Variants in DNAH9 observed in about 807,000 individuals in gnomAD.
DNAH9 encodes the protein dynein axonemal heavy chain 9.
In DNAH9, 345 loss-of-function variants were observed where a neutral mutation model predicts 471.6. The observed-to-expected ratio is 0.73, with a 90% CI of 0.67 to 0.80. The LOEUF (loss-of-function observed/expected upper bound fraction) is 0.80. DNAH9 is among the 30% of genes least tolerant of loss of function. DNAH9 has a pLI of 0.00. For synonymous variants in DNAH9, 2,093 were observed against 2,123.6 expected, an observed-to-expected ratio of 0.99 and a Z score of 0.40; for missense variants, 5,407 against 5,609.2, an observed-to-expected ratio of 0.96 and a Z score of 1.15.
chr17:11,724,119 TGTA>T (rs1420166992), intron 27 of DNAH9, among the ~76,000 whole-genome samples: 3 of 152,198 alleles, frequency 2.0e-5, no homozygotes, highest in Non-Finnish European at 4.4e-5. Flanking sequence ...CATTATACAT[TGTA>T]GTATAATGAT....
At chr17:11,887,010 G>A (rs750105291) in intron 57 of DNAH9, 45 bp downstream of exon 57, 4 of 1,576,000 alleles carry the variant, frequency 2.5e-6, no homozygotes, top group Admixed American at 3.6e-5. Context: ...ATAAAGCAGT[G>A]TAATATTGCC....
intron 36 of DNAH9, among the ~76,000 whole-genome samples, chr17:11,765,722 C>G (rs1333459819): frequency 6.6e-6 from 1 of 152,164 alleles, no homozygotes; most frequent in Non-Finnish European, 1.5e-5. Flanking sequence ...TGGACTACTC[C>G]TTTGACAGCT....
At chr17:11,918,507 A>G (rs185738609) in intron 61 of DNAH9, among the ~76,000 whole-genome samples, 2,971 of 151,412 alleles carry the variant, frequency 0.02, 38 homozygotes, top group South Asian at 0.068. Context: ...CTGGGATTAT[A>G]GGCATGAGTC....
At chr17:11,693,354 G>A (rs1242029997) in intron 20 of DNAH9, among the ~76,000 whole-genome samples, 3 of 144,762 alleles carry the variant, frequency 2.1e-5, no homozygotes, top group Admixed American at 7.2e-5. Flanking sequence ...AGGTTCAAGC[G>A]ATTGTCATGC....
chr17:11,859,857 A>G (rs924858562), intron 50 of DNAH9, among the ~76,000 whole-genome samples: 12 of 152,292 alleles, frequency 7.9e-5, no homozygotes, highest in Admixed American at 2.0e-4. Context: ...CCATGATCCA[A>G]TCACCTCCCA....
chr17:11,797,496 A>T, intron 42 of DNAH9, 101 bp from the exon 43 acceptor site: 1 of 961,414 alleles, frequency 1.0e-6, no homozygotes, highest in Non-Finnish European at 1.5e-6. Context: ...ACTGATGCCT[A>T]ATTTCCAGGG....
At chr17:11,618,698 G>A (rs780400191) in intron 5 of DNAH9, among the ~76,000 whole-genome samples, 1 of 151,948 alleles carries the variant, frequency 6.6e-6, no homozygotes, top group Non-Finnish European at 1.5e-5. Flanking sequence ...AGCTTAATAA[G>A]TAACTAAGAA....
At chr17:11,647,643 C>G (rs977580662) in intron 12 of DNAH9, among the ~76,000 whole-genome samples, 2 of 152,148 alleles carry the variant, frequency 1.3e-5, no homozygotes, top group Non-Finnish European at 2.9e-5. Context: ...TGTCTGAAGG[C>G]CATTGACTAG....
At chr17:11,779,798 G>T (rs564898648) in intron 38 of DNAH9, among the ~76,000 whole-genome samples, 13 of 152,214 alleles carry the variant, frequency 8.5e-5, no homozygotes, top group Admixed American at 3.3e-4. Context: ...GTGATTAATT[G>T]GTTGATAGTG....
chr17:11,955,027 G>C (rs1427876354), intron 67 of DNAH9, among the ~76,000 whole-genome samples: 1 of 152,136 alleles, frequency 6.6e-6, no homozygotes. Flanking sequence ...TGAAAAATGA[G>C]AGAAATAGAA....
intron 45 of DNAH9, among the ~76,000 whole-genome samples, chr17:11,818,262 G>A (rs1374417986): frequency 1.3e-5 from 2 of 151,966 alleles, no homozygotes; most frequent in Non-Finnish European, 2.9e-5. Context: ...AACCCCGTCT[G>A]TACTAAAAAT....
Position 11,969,263 on chromosome 17 carries a change from C to A in DNAH9, c.13234-37C>A. 4 of 1,587,878 alleles carry A rather than the reference C, an allele frequency of 2.5e-6. No homozygotes were observed. The South Asian group carries it at 3.4e-5, about 13-fold the overall frequency. Reference sequence around the variant, plus strand: ...AAGGCTGGTTGGCTGGGCTCTGGGTCTGATCTAAGGTGCCTCTTCTCATGT... The same window carrying A: ...AAGGCTGGTTGGCTGGGCTCTGGGTATGATCTAAGGTGCCTCTTCTCATGT... On this transcript the variant is annotated intron_variant, in intron 68 of 68. Transcript: ENST00000262442.
At chr17:11,604,851 G>T (rs2072465692) in intron 1 of DNAH9, among the ~76,000 whole-genome samples, 1 of 152,150 alleles carries the variant, frequency 6.6e-6, no homozygotes, top group East Asian at 1.9e-4. Context: ...CAACTTGGTA[G>T]GTGGCCTCCC....
rs376364177 is a variant in DNAH9, at chr17:11,877,548, C to A, written c.10478+2364C>A. Reference sequence around the variant, plus strand: ...AAGCTGGGTCATCCTCACTTAGAAACCTAAGATTTATCCACTCCAGCAAAC... The same window carrying A: ...AAGCTGGGTCATCCTCACTTAGAAAACTAAGATTTATCCACTCCAGCAAAC... On this transcript the variant is annotated intron_variant, in intron 53 of 68. Coordinates refer to ENST00000262442, the MANE Select transcript of DNAH9 (RefSeq NM_001372.4). 1.1e-4 allele frequency among the ~76,000 whole-genome samples: 16 copies of A among 144,444 alleles called. No individual in the cohort carries two copies. The South Asian group carries it at 2.2e-3, about 20-fold the overall frequency. The allele number at this position is 144,444 out of a possible 152,430, so 94.8% of individuals were successfully genotyped here.
intron 26 of DNAH9, among the ~76,000 whole-genome samples, chr17:11,712,585 T>C (rs536972774): frequency 1.3e-5 from 2 of 152,298 alleles, no homozygotes; most frequent in Admixed American, 6.5e-5. Context: ...CAATATTTAC[T>C]ATTGTCCGTT....
chr17:11,831,102 T>G (rs1597708936), intron 48 of DNAH9, among the ~76,000 whole-genome samples: 1 of 152,224 alleles, frequency 6.6e-6, no homozygotes, highest in East Asian at 1.9e-4. Context: ...GGACACAGCG[T>G]AAGCAGGAAA....
chr17:11,695,435 G>A (rs1310779266), intron 22 of DNAH9, among the ~76,000 whole-genome samples: 2 of 152,192 alleles, frequency 1.3e-5, no homozygotes, highest in African/African-American at 2.4e-5. Context: ...ATGGAGGTAA[G>A]GCTTATTGGC....
chr17:11,880,211 G>T lies in DNAH9; in HGVS notation c.10601+11G>T. 5 of 1,612,330 alleles carry T rather than the reference G, an allele frequency of 3.1e-6. No individual in the cohort carries two copies. Among genetic ancestry groups the T allele is most frequent in the Non-Finnish European group, 4.2e-6 (5 of 1,179,250 alleles). On this transcript the variant is annotated intron_variant, in intron 54 of 68. Transcript: ENST00000262442. ...CATTAAAAAAGGACGGTAAGACTCAGCTGTGTTGCTGACCCTTCGGGGGGA... is the reference window on the plus strand; with the variant it reads ...CATTAAAAAAGGACGGTAAGACTCATCTGTGTTGCTGACCCTTCGGGGGGA...
intron 48 of DNAH9, among the ~76,000 whole-genome samples, chr17:11,827,335 G>C (rs1329626601): frequency 6.6e-6 from 1 of 152,210 alleles, no homozygotes; most frequent in Non-Finnish European, 1.5e-5. Context: ...AGGAAGCATT[G>C]CACTGGCATC....
Sources: gnomAD v4.1 joint callset for allele counts (sites outside exome capture counted in the v4.1 genomes callset) on GRCh38, gnomAD v4.1.1 for gene constraint, MANE v1.5 for transcripts, NCBI Gene and HGNC (gene_info 2026-07-23, HGNC 2026-07-21) for gene names.